ZMYM2: variants seen among roughly 807,000 people sequenced by gnomAD.
ZMYM2 encodes zinc finger MYM-type protein 2.
A neutral mutation model predicts 162.8 loss-of-function variants in ZMYM2; 56 were observed. The observed-to-expected ratio is 0.34, with a 90% CI of 0.28 to 0.43. The LOEUF (loss-of-function observed/expected upper bound fraction) is 0.43. ZMYM2 is among the 20% of genes least tolerant of loss of function. The pLI, the probability that ZMYM2 is intolerant of heterozygous loss-of-function variation, is 1.00. For missense variants in ZMYM2, 1,275 were observed against 1,621.8 expected (o/e 0.79, Z 3.67); for synonymous variants, 510 against 541.6 (o/e 0.94, Z 0.81).
chr13:19,971,048 T>C (rs1487421170), intron 2 of ZMYM2, among the ~76,000 whole-genome samples: 1 of 151,750 alleles, frequency 6.6e-6, no homozygotes, highest in Non-Finnish European at 1.5e-5. Context: ...TAGCTGAAGC[T>C]TAATGAGCAA....
the ZMYM2 span, among the ~76,000 whole-genome samples, chr13:19,947,642 A>G: frequency 6.8e-6 from 1 of 147,070 alleles, no homozygotes; most frequent in South Asian, 2.2e-4. Flanking sequence ...TATTTTTAGT[A>G]GAGACGGGGT....
chr13:19,892,113 A>C, the ZMYM2 span, among the ~76,000 whole-genome samples: 1 of 151,278 alleles, frequency 6.6e-6, no homozygotes, highest in Non-Finnish European at 1.5e-5. Flanking sequence ...GCTAATTTTT[A>C]AATTTTTTTT....
At chr13:19,995,918 T>A (rs1949983097) in intron 3 of ZMYM2, among the ~76,000 whole-genome samples, 1 of 151,982 alleles carries the variant, frequency 6.6e-6, no homozygotes, top group South Asian at 2.1e-4. Context: ...TTGAGCCCCA[T>A]AGGCAGAGGT....
intron 2 of ZMYM2, among the ~76,000 whole-genome samples, chr13:19,974,801 T>C (rs978485535): frequency 1.1e-4 from 16 of 152,176 alleles, no homozygotes; most frequent in African/African-American, 3.6e-4. Context: ...ATATATCTGT[T>C]GGATGGATGC....
intron 13 of ZMYM2, 135 bp downstream of exon 13, chr13:20,051,733 G>T: frequency 1.2e-6 from 1 of 850,696 alleles, no homozygotes; most frequent in Non-Finnish European, 1.7e-6. Context: ...AGATTCTCTG[G>T]GTCGAAGTAC....
the ZMYM2 span, among the ~76,000 whole-genome samples, chr13:19,935,952 G>T: frequency 6.6e-6 from 1 of 152,184 alleles, no homozygotes; most frequent in Non-Finnish European, 1.5e-5. Flanking sequence ...CAGCTTCTAT[G>T]CTAGTAATCA....
chr13:20,005,653 A>G (rs1594308292), intron 5 of ZMYM2, among the ~76,000 whole-genome samples: 1 of 152,222 alleles, frequency 6.6e-6, no homozygotes, highest in African/African-American at 2.4e-5. Flanking sequence ...CATTATTAAT[A>G]TTGTGTTAAA....
chr13:20,078,628 C>T (rs1380899387), intron 21 of ZMYM2, among the ~76,000 whole-genome samples: 19 of 152,192 alleles, frequency 1.2e-4, no homozygotes. Flanking sequence ...TGTCAACGTG[C>T]TGCTTTGCCC....
chr13:19,918,750 C>T, the ZMYM2 span, among the ~76,000 whole-genome samples: 18 of 152,068 alleles, frequency 1.2e-4, no homozygotes, highest in Admixed American at 7.9e-4. Flanking sequence ...ACACCCACCT[C>T]GGCCTCCCAA....
intron 2 of ZMYM2, among the ~76,000 whole-genome samples, chr13:19,979,631 G>A (rs961870937): frequency 2.0e-4 from 31 of 152,126 alleles, no homozygotes; most frequent in African/African-American, 3.6e-4. Context: ...TGAAACCAAG[G>A]AAGTGTCTGC....
the ZMYM2 span, among the ~76,000 whole-genome samples, chr13:19,886,600 T>A: frequency 6.6e-6 from 1 of 151,914 alleles, no homozygotes; most frequent in Non-Finnish European, 1.5e-5. Flanking sequence ...TTGAAGAAGC[T>A]GGACAATTTG....
the ZMYM2 span, among the ~76,000 whole-genome samples, chr13:19,926,462 C>T: frequency 6.7e-6 from 1 of 148,818 alleles, no homozygotes; most frequent in African/African-American, 2.5e-5. Flanking sequence ...CTTCAGGGTT[C>T]AAGTGATTCT....
At chr13:19,928,246 GC>G in the ZMYM2 span, among the ~76,000 whole-genome samples, 10 of 152,278 alleles carry the variant, frequency 6.6e-5, no homozygotes, top group South Asian at 1.9e-3. Flanking sequence ...GCTCAAGCGA[GC>G]CTCCCTCAGT....
chr13:19,979,748 T>C (rs1301674355), intron 2 of ZMYM2, among the ~76,000 whole-genome samples: 1 of 152,068 alleles, frequency 6.6e-6, no homozygotes, highest in East Asian at 1.9e-4. Context: ...CAAAGCTGAG[T>C]TGGGATGAGG....
At chr13:20,038,099 T>A (rs1953903004) in intron 12 of ZMYM2, among the ~76,000 whole-genome samples, 1 of 152,214 alleles carries the variant, frequency 6.6e-6, no homozygotes, top group Non-Finnish European at 1.5e-5. Flanking sequence ...TCCAGTCCTA[T>A]CCATGTTCCT....
chr13:20,004,815 T>C (rs1457922026), intron 4 of ZMYM2, among the ~76,000 whole-genome samples: 2 of 152,174 alleles, frequency 1.3e-5, no homozygotes, highest in Admixed American at 6.5e-5. Flanking sequence ...GTTTTCCCAA[T>C]ATTTGAAATC....
chr13:19,898,954 T>A, the ZMYM2 span, among the ~76,000 whole-genome samples: 2 of 150,846 alleles, frequency 1.3e-5, no homozygotes, highest in African/African-American at 2.4e-5. Flanking sequence ...TTTTTTTCCT[T>A]TTTAGACAGA....
At chr13:19,888,126 A>C in the ZMYM2 span, among the ~76,000 whole-genome samples, 1 of 151,592 alleles carries the variant, frequency 6.6e-6, no homozygotes, top group Non-Finnish European at 1.5e-5. Flanking sequence ...TGATCCTCCT[A>C]GCTTGACCTC....
At chr13:20,007,504 T>C (rs1221145473) in intron 6 of ZMYM2, among the ~76,000 whole-genome samples, 1 of 152,186 alleles carries the variant, frequency 6.6e-6, no homozygotes, top group Non-Finnish European at 1.5e-5. Context: ...AAAGGTAGTC[T>C]GTGTGATTTC....
Sources: gnomAD v4.1 joint callset for allele counts (sites outside exome capture counted in the v4.1 genomes callset) on GRCh38, gnomAD v4.1.1 for gene constraint, MANE v1.5 for transcripts, NCBI Gene and HGNC (gene_info 2026-07-23, HGNC 2026-07-21) for gene names.